The following PLEKHM1 variants were observed in gnomAD, a reference collection of about 807,000 sequenced individuals.
The protein encoded by PLEKHM1 is pleckstrin homology domain-containing family M member 1.
A neutral mutation model predicts 94.3 loss-of-function variants in PLEKHM1; 28 were observed. The ratio of observed to expected loss-of-function variants is 0.30; its 90% CI spans 0.22 to 0.41. The LOEUF (loss-of-function observed/expected upper bound fraction) is 0.41, where lower values mean the gene tolerates loss of function less well. Ranked by LOEUF, PLEKHM1 falls within the 10% of genes least tolerant of loss-of-function variation. The probability of loss-of-function intolerance (pLI) is 1.00; values close to 1 mark genes in which losing one functional copy is unlikely to be tolerated. For missense variants in PLEKHM1, 907 were observed against 1,358.6 expected (o/e 0.67, Z 5.22); for synonymous variants, 424 against 581.2 (o/e 0.73, Z 3.89).
chr17:45,468,989 T>C (rs1478308672), intron 4 of PLEKHM1, among the ~76,000 whole-genome samples: 1 of 149,742 alleles, frequency 6.7e-6, no homozygotes, highest in Admixed American at 6.7e-5. Flanking sequence ...CAGAGCCTCC[T>C]CCTCCACAGC....
At position 45,439,638 on chromosome 17, in the gene PLEKHM1, C is replaced by A. The variant is rs371385267; in HGVS notation, c.2902-4G>T. On this transcript the variant is annotated splice_polypyrimidine_tract_variant and splice_region_variant and intron_variant, in intron 10 of 11. Coordinates refer to ENST00000430334, the MANE Select transcript of PLEKHM1 (RefSeq NM_014798.3). ...CTTCATACACCCCGTCTGCGATCTG[C>A]GGAGGGCAAGTAGGAATCCTTCATA... is the stretch of plus-strand genomic sequence containing the variant. 6.2e-7 allele frequency: 1 copy of A among 1,613,712 alleles called. No homozygotes were observed. Among genetic ancestry groups the A allele is most frequent in the African/African-American group, 1.3e-5 (1 of 74,854 alleles).
In PLEKHM1 at chr17:45,445,373, G is replaced by A. The variant is rs1597920357; in HGVS notation, c.2837+97C>T. 4.3e-6 allele frequency: 4 copies of A among 925,426 alleles called. No homozygotes were observed. Among genetic ancestry groups the A allele is most frequent in the Non-Finnish European group, 7.0e-6 (4 of 575,526 alleles). 57.3% of individuals were successfully genotyped at this position (925,426 alleles called of 1,614,324 possible). ...TGTGGGTATGTGTGCACATGTGTAT[G>A]TGTGTCTGTGTGTACATGTGCATAT... On this transcript the variant is annotated intron_variant, in intron 9 of 11. Transcript: ENST00000430334. This position sits in a 1 kb window ranked among gnomAD's most constrained non-coding sequence, Gnocchi z 4.2.
chr17:45,434,967 CAAAAAA>C (rs11369025), downstream of PLEKHM1, among the ~76,000 whole-genome samples: 9 of 98,112 alleles, frequency 9.2e-5, no homozygotes, highest in South Asian at 2.5e-3. Context: ...AGACTGTATC[CAAAAAA>C]AAAAAAAAAA....
chr17:45,442,338 C>T (rs1247305728), intron 9 of PLEKHM1, among the ~76,000 whole-genome samples: 1 of 152,162 alleles, frequency 6.6e-6, no homozygotes, highest in Non-Finnish European at 1.5e-5. Context: ...ATTACTAACA[C>T]CAGCTGCCAC....
intron 7 of PLEKHM1, among the ~76,000 whole-genome samples, chr17:45,451,121 C>T (rs2050762257): frequency 1.3e-5 from 2 of 151,726 alleles, no homozygotes; most frequent in South Asian, 2.1e-4. Context: ...CCGGTGTCCC[C>T]ACTGCTGGCT....
chr17:45,453,823 C>G lies in PLEKHM1; in HGVS notation c.2029G>C (p.Ala677Pro). The change falls in exon 7 of 12, where the codon GCC (alanine) becomes CCC (proline). Residue 677 changes from alanine (A) to proline (P), a missense_variant. Coordinates refer to ENST00000430334, the MANE Select transcript of PLEKHM1 (RefSeq NM_014798.3). The surrounding 1 kb of genome is among the most constrained non-coding windows in gnomAD (Gnocchi z 4.1). ...LQGTQFDWSS[A>P]QVPEPDAIKE... is the part of the protein sequence containing the mutation. ...ATGGCATCTGGCTCTGGAACCTGGGCGGACGACCAGTCAAACTGTGTGCCC... is the reference window on the plus strand; with the variant it reads ...ATGGCATCTGGCTCTGGAACCTGGGGGGACGACCAGTCAAACTGTGTGCCC... 6.2e-7 allele frequency: 1 copy of G among 1,614,000 alleles called. No individual in the cohort carries two copies. The highest frequency in any genetic ancestry group is 8.5e-7 in the Non-Finnish European group (1 of 1,179,864).
chr17:45,459,194 G>A (rs967523581), intron 5 of PLEKHM1, among the ~76,000 whole-genome samples: 35 of 152,154 alleles, frequency 2.3e-4, no homozygotes, highest in African/African-American at 7.7e-4. Context: ...AGTCAGAGTT[G>A]GGCAATCGTC....
chr17:45,444,608 C>G lies in PLEKHM1; in HGVS notation c.2837+862G>C, dbSNP rs1166221075. Among the ~76,000 whole-genome samples, 1 of 152,208 alleles carries G rather than the reference C, an allele frequency of 6.6e-6. No individual in the cohort carries two copies. Among genetic ancestry groups the G allele is most frequent in the African/African-American group, 2.4e-5 (1 of 41,436 alleles). On this transcript the variant is annotated intron_variant, in intron 9 of 11. Transcript: ENST00000430334. The surrounding 1 kb of genome is among the most constrained non-coding windows in gnomAD (Gnocchi z 5.0). ...TCTGGCCCTCACCTGCCTCTCGCCA[C>G]ACTCCCCACTTCCCTCCTCACTGTA...
intron 2 of PLEKHM1, among the ~76,000 whole-genome samples, chr17:45,479,136 G>A (rs1385708810): frequency 2.0e-5 from 3 of 151,982 alleles, no homozygotes; most frequent in Non-Finnish European, 2.9e-5. Flanking sequence ...CACTTTGGGA[G>A]GCCAAGGCAG....
At position 45,468,504 on chromosome 17, in the gene PLEKHM1, G is replaced by A. The variant is rs768366758; in HGVS notation, c.1013C>T (p.Ser338Leu). The change falls in exon 5 of 12, where the codon TCG becomes TTG. Residue 338 changes from serine to leucine, a missense_variant. Physicochemically the swap from Ser to Leu is moderately radical, Grantham distance 145. Coordinates refer to ENST00000430334, the MANE Select transcript of PLEKHM1 (RefSeq NM_014798.3). ...QETEIPTPQA[S>L]LSLHGLNTST... Reference sequence around the variant, plus strand: ...GGTGTTGAGGCCATGGAGGGAGAGCGAGGCCTGTGGTGTGGGGATCTCTGT... The same window carrying A: ...GGTGTTGAGGCCATGGAGGGAGAGCAAGGCCTGTGGTGTGGGGATCTCTGT... 24 of 1,614,234 alleles carry A rather than the reference G, an allele frequency of 1.5e-5. No individual in the cohort carries two copies. The highest frequency in any genetic ancestry group is 1.7e-5 in the Non-Finnish European group (20 of 1,180,042).
In PLEKHM1 at chr17:45,475,474, G is replaced by A. The variant is rs1448176855; in HGVS notation, c.549C>T (p.Ala183=). ...GGGTGAGCGTCCACTCATTTAAGAT[G>A]GCAGACTTGTAGGAGAGTTCGAAGG... ...SLSFELSYKS[A]ILNEWTLTPL... is the part of the protein sequence containing the mutation. The change falls in exon 4 of 12, where the codon GCC becomes GCT. Residue 183 remains alanine (A), a synonymous_variant. Transcript: ENST00000430334. The A allele has an allele frequency of 6.2e-7, 1 of 1,613,046 alleles. No homozygotes were observed. The highest frequency in any genetic ancestry group is 2.2e-5 in the East Asian group (1 of 44,874).
intron 4 of PLEKHM1, among the ~76,000 whole-genome samples, chr17:45,471,512 C>G: frequency 6.6e-6 from 1 of 151,734 alleles, no homozygotes. Flanking sequence ...CCTGTAATCC[C>G]AGCACTTTGA....
chr17:45,446,986 C>T (rs569078617), intron 8 of PLEKHM1, among the ~76,000 whole-genome samples: 21 of 152,340 alleles, frequency 1.4e-4, no homozygotes, highest in Non-Finnish European at 2.2e-4. Context: ...GCCCGGCACT[C>T]GGCAGGATGT....
intron 8 of PLEKHM1, among the ~76,000 whole-genome samples, chr17:45,449,686 C>A (rs2050712697): frequency 6.6e-6 from 1 of 151,224 alleles, no homozygotes; most frequent in Non-Finnish European, 1.5e-5. Context: ...ATCCACCTAC[C>A]TACCTGCCCA....
rs960049478 is a variant in PLEKHM1, at chr17:45,444,507, G to C, written c.2837+963C>G. On this transcript the variant is annotated intron_variant, in intron 9 of 11. Transcript: ENST00000430334. This position sits in a 1 kb window ranked among gnomAD's most constrained non-coding sequence, Gnocchi z 5.0. ...ATCCTGAGGGCCCCGCCCGGATCAC[G>C]TCTTCTTTGGAGAATTTCAGGAGGG... is the stretch of plus-strand genomic sequence containing the variant. Among the ~76,000 whole-genome samples the C allele has an allele frequency of 6.6e-6, 1 of 152,184 alleles. No individual in the cohort carries two copies. Among genetic ancestry groups the C allele is most frequent in the Non-Finnish European group, 1.5e-5 (1 of 68,018 alleles).
rs923115737 is a variant in PLEKHM1, at chr17:45,482,771, T to C, written c.-41-246A>G. Among the ~76,000 whole-genome samples the C allele has an allele frequency of 7.9e-5, 12 of 151,350 alleles. No individual in the cohort carries two copies. In the South Asian group the frequency reaches 8.4e-4, roughly 11 times the overall value. ...CCAGGGGTGGGTCCACCCCAAGGAG[T>C]AGGTGGTAAGGGCGCTTCACATCAA... On this transcript the variant is annotated intron_variant, in intron 1 of 11. Coordinates refer to ENST00000430334, the MANE Select transcript of PLEKHM1 (RefSeq NM_014798.3).
intron 6 of PLEKHM1, among the ~76,000 whole-genome samples, chr17:45,457,323 G>C (rs2050991071): frequency 6.6e-6 from 1 of 152,032 alleles, no homozygotes; most frequent in Non-Finnish European, 1.5e-5. Flanking sequence ...AGCACTTTAG[G>C]AGGCCGAGGC....
At position 45,489,276 on chromosome 17, in the gene PLEKHM1, A is replaced by C. The variant is rs574216994; in HGVS notation, c.-42+1376T>G. 9.9e-3 allele frequency among the ~76,000 whole-genome samples: 1,507 copies of C among 152,328 alleles called. 31 individuals carry two copies. Among genetic ancestry groups the C allele is most frequent in the African/African-American group, 0.035 (1,460 of 41,562 alleles). ...ACAGGTAACGTTGCCTCTGGCACCC[A>C]TCATATCCCCTGAATTCAGCATCAG... is the stretch of plus-strand genomic sequence containing the variant. On this transcript the variant is annotated intron_variant, in intron 1 of 11. Coordinates refer to ENST00000430334, the MANE Select transcript of PLEKHM1 (RefSeq NM_014798.3).
At chr17:45,442,310 G>A (rs972584235) in intron 9 of PLEKHM1, among the ~76,000 whole-genome samples, 1 of 152,150 alleles carries the variant, frequency 6.6e-6, no homozygotes, top group Non-Finnish European at 1.5e-5. Context: ...CTCGGTCCAG[G>A]CCCAGCTCCC....
Sources: allele counts gnomAD v4.1 joint callset (sites outside exome capture counted in the v4.1 genomes callset), GRCh38; gene constraint gnomAD v4.1.1; non-coding constraint Gnocchi (gnomAD v3.1); transcripts MANE v1.5; gene names NCBI Gene and HGNC (gene_info 2026-07-23, HGNC 2026-07-21).